The following ZNF438 variants were observed in gnomAD, a reference collection of about 807,000 sequenced individuals.
ZNF438 encodes the protein zinc finger protein 438.
Under a neutral mutation model 38.0 loss-of-function variants are expected in ZNF438, and 25 were observed. The ratio of observed to expected loss-of-function variants is 0.66; its 90% CI spans 0.48 to 0.92. ZNF438 has a LOEUF of 0.92. Ranked by LOEUF, ZNF438 falls within the 40% of genes least tolerant of loss-of-function variation. The pLI is 0.00. For synonymous variants in ZNF438, 372 were observed against 364.1 expected (o/e 1.02, Z -0.25); for missense variants, 1,007 against 999.6 (o/e 1.01, Z -0.10).
intron 3 of ZNF438, among the ~76,000 whole-genome samples, chr10:30,896,666 G>A (rs1589070836): frequency 6.6e-6 from 1 of 152,088 alleles, no homozygotes; most frequent in African/African-American, 2.4e-5. Context: ...GGGGAGGAGG[G>A]GAGGCCGGAA....
chr10:30,937,652 T>C (rs2046392347), intron 2 of ZNF438, among the ~76,000 whole-genome samples: 1 of 152,222 alleles, frequency 6.6e-6, no homozygotes, highest in South Asian at 2.1e-4. Flanking sequence ...AGGGTGAAAC[T>C]GTATAATCAG....
intron 4 of ZNF438, among the ~76,000 whole-genome samples, chr10:30,873,987 T>A (rs947115757): frequency 2.0e-5 from 3 of 151,972 alleles, no homozygotes; most frequent in African/African-American, 7.2e-5. Flanking sequence ...GTTAAATAAA[T>A]CAATCTGCAT....
chr10:30,869,003 C>T (rs1002239983), intron 4 of ZNF438, among the ~76,000 whole-genome samples: 1 of 152,230 alleles, frequency 6.6e-6, no homozygotes, highest in African/African-American at 2.4e-5. Context: ...GACTCTGCTG[C>T]CAAACGGCCA....
intron 1 of ZNF438, among the ~76,000 whole-genome samples, chr10:30,951,698 T>C (rs1407810779): frequency 1.3e-5 from 2 of 151,810 alleles, no homozygotes; most frequent in Non-Finnish European, 2.9e-5. Context: ...ACAAGGGATG[T>C]GAAGGACCTC....
intron 4 of ZNF438, among the ~76,000 whole-genome samples, chr10:30,858,776 T>G (rs907233172): frequency 2.0e-5 from 3 of 152,260 alleles, no homozygotes; most frequent in Non-Finnish European, 2.9e-5. Flanking sequence ...TTGACATACT[T>G]GTGTGTTCTG....
Position 30,924,817 on chromosome 10 carries a change from T to A in ZNF438, c.-114-15802A>T, listed in dbSNP as rs567826616. On this transcript the variant is annotated intron_variant, in intron 2 of 5. Transcript: ENST00000413025. ...ATGCAATGTGGTATCCTGGGTTAGA[T>A]CCTGCAATGAAAAGAAAGTATCAGT... Among the ~76,000 whole-genome samples the A allele has an allele frequency of 3.4e-3, 520 of 152,228 alleles. 4 individuals are homozygous for A. Among genetic ancestry groups the A allele is most frequent in the African/African-American group, 0.011 (465 of 41,546 alleles).
At position 30,887,058 on chromosome 10, in the gene ZNF438, T is replaced by C. The variant is rs190803683; in HGVS notation, c.-31-9993A>G. On this transcript the variant is annotated intron_variant, in intron 3 of 5. Transcript: ENST00000413025. ...GACTCCCCTGTGAGCGTGTCTTTCA[T>C]ACGCAAACCAACCAATCCAAAGCCC... Among the ~76,000 whole-genome samples, 396 of 152,300 alleles carry C rather than the reference T, an allele frequency of 2.6e-3. 1 individual carries two copies. Among genetic ancestry groups the C allele is most frequent in the African/African-American group, 9.3e-3 (387 of 41,572 alleles).
At chr10:30,970,143 CAT>C (rs1554889280) in intron 1 of ZNF438, among the ~76,000 whole-genome samples, 82 of 144,066 alleles carry the variant, frequency 5.7e-4, no homozygotes, top group Admixed American at 1.0e-3. Flanking sequence ...CACACACACA[CAT>C]ATACACACAC....
chr10:30,928,235 A>C (rs563285765), intron 2 of ZNF438, among the ~76,000 whole-genome samples: 72 of 152,326 alleles, frequency 4.7e-4, no homozygotes, highest in African/African-American at 1.7e-3. Flanking sequence ...TTTTAATCTA[A>C]AAGTACCATA....
At chr10:30,857,191 C>T (rs943509146) in intron 4 of ZNF438, among the ~76,000 whole-genome samples, 2 of 151,462 alleles carry the variant, frequency 1.3e-5, no homozygotes, top group Non-Finnish European at 2.9e-5. Flanking sequence ...AATATAATAC[C>T]ATATCTAAAT....
intron 1 of ZNF438, among the ~76,000 whole-genome samples, chr10:30,975,023 C>G (rs1163778163): frequency 6.6e-6 from 1 of 152,086 alleles, no homozygotes; most frequent in African/African-American, 2.4e-5. Flanking sequence ...CACTCCCTAC[C>G]TCTTGGTAGT....
At chr10:30,949,029 C>G (rs1487926994) in intron 1 of ZNF438, among the ~76,000 whole-genome samples, 5 of 152,024 alleles carry the variant, frequency 3.3e-5, no homozygotes, top group African/African-American at 1.2e-4. Flanking sequence ...AAAGGGAAGC[C>G]CATCAGACTA....
intron 1 of ZNF438, among the ~76,000 whole-genome samples, chr10:30,943,923 T>G (rs1015358961): frequency 6.6e-6 from 1 of 151,988 alleles, no homozygotes; most frequent in Non-Finnish European, 1.5e-5. Context: ...AGGTTTAAAT[T>G]TCTAGGGAAG....
chr10:30,846,765 C>G (rs2032236885), intron 5 of ZNF438, among the ~76,000 whole-genome samples: 1 of 152,178 alleles, frequency 6.6e-6, no homozygotes, highest in African/African-American at 2.4e-5. Context: ...GGCTGCAGAT[C>G]CAGGCATCTC....
intron 3 of ZNF438, among the ~76,000 whole-genome samples, chr10:30,900,859 T>C (rs1359834422): frequency 1.3e-5 from 2 of 152,344 alleles, no homozygotes; most frequent in African/African-American, 2.4e-5. Flanking sequence ...TTGATTCAAA[T>C]AGATGCAAGC....
chr10:31,029,164 T>C (rs1299892908), intron 1 of ZNF438, among the ~76,000 whole-genome samples: 6 of 152,274 alleles, frequency 3.9e-5, no homozygotes, highest in Non-Finnish European at 8.8e-5. Flanking sequence ...GCTGGGTGAC[T>C]TCAGACAAGT....
chr10:30,877,649 T>C (rs2038631986), intron 3 of ZNF438, among the ~76,000 whole-genome samples: 1 of 152,196 alleles, frequency 6.6e-6, no homozygotes, highest in African/African-American at 2.4e-5. Context: ...TATATAAATT[T>C]ACAGTGTGTT....
intron 3 of ZNF438, among the ~76,000 whole-genome samples, chr10:30,899,230 T>C (rs1206649617): frequency 6.6e-6 from 1 of 151,672 alleles, no homozygotes; most frequent in Non-Finnish European, 1.5e-5. Context: ...GTATAAACTT[T>C]AAAAAAAAGG....
intron 2 of ZNF438, among the ~76,000 whole-genome samples, chr10:30,936,751 TAGAAA>T (rs2046300773): frequency 6.6e-6 from 1 of 152,204 alleles, no homozygotes; most frequent in Admixed American, 6.5e-5. Flanking sequence ...AAGACCATGG[TAGAAA>T]CTGTTGTCAC....
Sources: gnomAD v4.1 joint callset for allele counts (sites outside exome capture counted in the v4.1 genomes callset) on GRCh38, gnomAD v4.1.1 for gene constraint, MANE v1.5 for transcripts, NCBI Gene and HGNC (gene_info 2026-07-23, HGNC 2026-07-21) for gene names.